KANSL3: variants seen among roughly 807,000 people sequenced by gnomAD.
KANSL3 encodes NSL complex protein NSL3.
A neutral mutation model predicts 89.2 loss-of-function variants in KANSL3; 16 were observed. That is an observed-to-expected ratio of 0.18 (90% CI 0.12 to 0.27). KANSL3 has a LOEUF of 0.27. KANSL3 is among the 10% of genes least tolerant of loss of function. The pLI is 1.00. For missense variants in KANSL3, 879 were observed against 1,110.6 expected, an observed-to-expected ratio of 0.79 and a Z score of 2.96; for synonymous variants, 385 against 419.7, an observed-to-expected ratio of 0.92 and a Z score of 1.01.
Position 96,610,771 on chromosome 2 carries a change from G to A in KANSL3, c.1274C>T (p.Ala425Val). The change falls in exon 11 of 21, where the codon GCT (alanine) becomes GTT (valine). Residue 425 changes from alanine (A) to valine (V), a missense_variant. Ala to Val is a moderately conservative substitution (Grantham distance 64, BLOSUM62 0). Transcript: ENST00000431828. Reference sequence around the variant, plus strand: ...CCCAACCACCACCAAGCTGTTCTCAGCTCGAATCTTCTCCCGGAAGTCCTC... The same window carrying A: ...CCCAACCACCACCAAGCTGTTCTCAACTCGAATCTTCTCCCGGAAGTCCTC... ...AMEDFREKIRAENSLVVVGGA... is the reference protein window; with the variant it reads ...AMEDFREKIRVENSLVVVGGA... The A allele has an allele frequency of 6.2e-7, 1 of 1,613,994 alleles. No homozygotes were observed. Among genetic ancestry groups the A allele is most frequent in the Non-Finnish European group, 8.5e-7 (1 of 1,179,886 alleles).
In KANSL3 at chr2:96,611,227, A is replaced by G. The variant is rs1457296668; in HGVS notation, c.1087-89T>C. Reference sequence around the variant, plus strand: ...AATCCAGGAGTGGTCCAGACCCACCAGACAGTCTCACCTCTTCCTCTCCTG... The same window carrying G: ...AATCCAGGAGTGGTCCAGACCCACCGGACAGTCTCACCTCTTCCTCTCCTG... On this transcript the variant is annotated intron_variant, in intron 9 of 20. Transcript: ENST00000431828. 5.3e-5 allele frequency: 54 copies of G among 1,015,322 alleles called. No homozygotes were observed. In the East Asian group the frequency reaches 1.3e-3, roughly 24 times the overall value. 62.9% of individuals were successfully genotyped at this position (1,015,322 alleles called of 1,614,324 possible).
Position 96,611,872 on chromosome 2 carries a change from CT to C in KANSL3, c.1086+409del, listed in dbSNP as rs1303575142. ...CTTATGTTTAGAGAAAAAAAGGGATCTTTTTTTTTTTTCCACAGATATATAC... is the reference window on the plus strand; with the variant it reads ...CTTATGTTTAGAGAAAAAAAGGGATCTTTTTTTTTTTCCACAGATATATAC... On this transcript the variant is annotated intron_variant, in intron 9 of 20. Transcript: ENST00000431828. 9.6e-3 allele frequency among the ~76,000 whole-genome samples: 1,124 copies of C among 117,262 alleles called. 13 individuals are homozygous for C. Among genetic ancestry groups the C allele is most frequent in the African/African-American group, 0.027 (815 of 30,112 alleles). The allele number at this position is 117,262 out of a possible 152,430, so 76.9% of individuals were successfully genotyped here.
chr2:96,590,450 A>T (rs2066264275), downstream of KANSL3, among the ~76,000 whole-genome samples: 1 of 151,646 alleles, frequency 6.6e-6, no homozygotes, highest in African/African-American at 2.4e-5. Flanking sequence ...GCGGCATGAC[A>T]CCCGGCTAAT....
In KANSL3 at chr2:96,595,638, C is replaced by T. The variant is rs1335176602; in HGVS notation, c.2617-7G>A. The T allele has an allele frequency of 1.9e-6, 3 of 1,613,532 alleles. No individual in the cohort carries two copies. The highest frequency in any genetic ancestry group is 2.5e-6 in the Non-Finnish European group (3 of 1,179,726). ...AGGGTGCTGGAGGCAGGCGCTGTGG[C>T]AGGAGAGGTAGTGAAGAAGGGTCAA... On this transcript the variant is annotated splice_polypyrimidine_tract_variant and splice_region_variant and intron_variant, in intron 20 of 20. Coordinates refer to ENST00000431828, the MANE Select transcript of KANSL3 (RefSeq NM_001115016.3).
Position 96,608,661 on chromosome 2 carries a change from G to A in KANSL3, c.1588C>T (p.Leu530Phe). Reference sequence around the variant, plus strand: ...GTGGGGCTGCTGGACACACTGGAGAGATCCTGAGTAAGGTGAGAAGGTCAA... The same window carrying A: ...GTGGGGCTGCTGGACACACTGGAGAAATCCTGAGTAAGGTGAGAAGGTCAA... ...LPASPSGSED[L>F]SSVSSSPTSS... is the part of the protein sequence containing the mutation. The change falls in exon 14 of 21, where the codon CTC becomes TTC. Residue 530 changes from leucine to phenylalanine, a missense_variant. By Grantham distance (22) the Leu-to-Phe change is conservative. Coordinates refer to ENST00000431828, the MANE Select transcript of KANSL3 (RefSeq NM_001115016.3). 6.2e-7 allele frequency: 1 copy of A among 1,614,040 alleles called. No individual in the cohort carries two copies. The highest frequency in any genetic ancestry group is 8.5e-7 in the Non-Finnish European group (1 of 1,179,902).
rs2067799436 is a variant in KANSL3, at chr2:96,605,233, C to T, written c.1933+87G>A. On this transcript the variant is annotated intron_variant, in intron 15 of 20. Transcript: ENST00000431828. ...GGCATCTCTCAAAATAAAGCAAAGG[C>T]TGACATGCTGGTGAATGGCCACCAA... 8 of 1,190,202 alleles carry T rather than the reference C, an allele frequency of 6.7e-6. No individual in the cohort carries two copies. The East Asian group carries it at 1.4e-4, about 21-fold the overall frequency. 73.7% of individuals were successfully genotyped at this position (1,190,202 alleles called of 1,614,324 possible). A position where few individuals can be genotyped will look rare whatever the true frequency, so the allele number is the denominator to read the frequency against.
intron 5 of KANSL3, among the ~76,000 whole-genome samples, chr2:96,618,335 G>A (rs1012896334): frequency 1.2e-4 from 19 of 152,180 alleles, no homozygotes; most frequent in African/African-American, 4.1e-4. Context: ...GACTACAGAC[G>A]TGTGCCACCA....
At chr2:96,598,036 A>G (rs1004923084) in intron 20 of KANSL3, 55 of 908,638 alleles carry the variant, frequency 6.1e-5, no homozygotes, top group Non-Finnish European at 6.3e-5. Flanking sequence ...TCTCTTCTCA[A>G]TGGTAACTGG....
chr2:96,582,407 AAAG>A, the KANSL3 span, among the ~76,000 whole-genome samples: 4 of 152,160 alleles, frequency 2.6e-5, no homozygotes, highest in Admixed American at 6.5e-5. Flanking sequence ...CAAAAAAAAA[AAAG>A]AAGAAAATCA....
intron 20 of KANSL3, among the ~76,000 whole-genome samples, chr2:96,600,203 G>A (rs1032914965): frequency 2.0e-5 from 3 of 151,932 alleles, no homozygotes; most frequent in Non-Finnish European, 4.4e-5. Flanking sequence ...TCCATACTCT[G>A]TAATCCCATA....
rs2066428188 is a variant in KANSL3, at chr2:96,595,057, T to G, written c.*554A>C. ...TCTGACGTGGTTTCTAAGGTGGAGT[T>G]GCATGGGGAGCACTCTCCCGTGGCT... is the stretch of plus-strand genomic sequence containing the variant. On this transcript the variant is annotated 3_prime_UTR_variant, in exon 21 of 21. Transcript: ENST00000431828. 1 of 152,600 alleles carries G rather than the reference T, an allele frequency of 6.6e-6. No homozygotes were observed. The highest frequency in any genetic ancestry group is 2.4e-5 in the African/African-American group (1 of 41,442). The allele number at this position is 152,600 out of a possible 1,614,324, so 9.5% of individuals were successfully genotyped here.
At chr2:96,625,754 G>A (rs187160807) in intron 3 of KANSL3, among the ~76,000 whole-genome samples, 1 of 152,238 alleles carries the variant, frequency 6.6e-6, no homozygotes, top group Non-Finnish European at 1.5e-5. Flanking sequence ...TCCAAGAATT[G>A]AAACATGATC....
At position 96,619,662 on chromosome 2, in the gene KANSL3, GGT is replaced by G. The variant is rs746271863; in HGVS notation, c.477+8_477+9del. 6 of 1,576,968 alleles carry G rather than the reference GGT, an allele frequency of 3.8e-6. No homozygotes were observed. In the Admixed American group the frequency reaches 7.5e-5, roughly 20 times the overall value. On this transcript the variant is annotated splice_region_variant and intron_variant, in intron 4 of 20. Coordinates refer to ENST00000431828, the MANE Select transcript of KANSL3 (RefSeq NM_001115016.3). The stretch of plus-strand genomic sequence containing the variant: ...AAGAGCCCACTGTGGGCGGATTGCT[GGT>G]GTCTTACCCCTTCGTTGGCCAAGCG...
chr2:96,613,602 G>C lies in KANSL3; in HGVS notation c.681C>G (p.Asp227Glu), dbSNP rs1040120750. The change falls in exon 6 of 21, where the codon GAC becomes GAG. Residue 227 changes from aspartate to glutamate, a missense_variant. Asp to Glu is a conservative substitution (Grantham distance 45). This residue lies in a region of KANSL3 where 210 missense variants were observed against 311.9 expected (regional missense o/e 0.67). Transcript: ENST00000431828. Reference sequence around the variant, plus strand: ...TTGTGTTGGATGACACAAGCATCCGGTCAATCAAGGTTGGGATCTACAAAG... The same window carrying C: ...TTGTGTTGGATGACACAAGCATCCGCTCAATCAAGGTTGGGATCTACAAAG... Reference protein sequence around the residue: ...TLKGKIPTLIDRMLVSSNTKT... With the variant: ...TLKGKIPTLIERMLVSSNTKT... 26 of 1,612,632 alleles carry C rather than the reference G, an allele frequency of 1.6e-5. No homozygotes were observed. The highest frequency in any genetic ancestry group is 2.7e-5 in the African/African-American group (2 of 74,728).
intron 2 of KANSL3, among the ~76,000 whole-genome samples, chr2:96,635,555 A>G (rs1297878745): frequency 2.6e-5 from 4 of 152,256 alleles, no homozygotes; most frequent in Non-Finnish European, 5.9e-5. Context: ...CTTTTCAGTT[A>G]TGCCCTAGGC....
At chr2:96,609,950 C>CAA (rs35175492) in intron 11 of KANSL3, among the ~76,000 whole-genome samples, 1,497 of 21,608 alleles carry the variant, frequency 0.069, 613 homozygotes, top group East Asian at 0.14. Flanking sequence ...GGCGCCACCT[C>CAA]AAAAAAAAAA....
chr2:96,603,012 C>T (rs1465703797), intron 17 of KANSL3, 150 bp from the exon 18 acceptor site: 1 of 657,758 alleles, frequency 1.5e-6, no homozygotes, highest in African/African-American at 1.8e-5. Flanking sequence ...GGAAGCTCTC[C>T]CCAACTAGGC....
chr2:96,618,791 A>G (rs1360362960), intron 5 of KANSL3, among the ~76,000 whole-genome samples: 1 of 152,232 alleles, frequency 6.6e-6, no homozygotes, highest in African/African-American at 2.4e-5. Context: ...ATTCTACCAC[A>G]TTGACGATAG....
At chr2:96,629,830 G>C (rs1045676415) in intron 3 of KANSL3, among the ~76,000 whole-genome samples, 7 of 151,832 alleles carry the variant, frequency 4.6e-5, no homozygotes, top group African/African-American at 1.7e-4. Context: ...ATAAAATAAG[G>C]GTTCTCCAAA....
Sources: allele counts gnomAD v4.1 joint callset (sites outside exome capture counted in the v4.1 genomes callset), GRCh38; gene constraint gnomAD v4.1.1; regional missense constraint gnomAD v4.1.1; transcripts MANE v1.5; gene names NCBI Gene and HGNC (gene_info 2026-07-23, HGNC 2026-07-21).